MARCHF3: variants seen among roughly 807,000 people sequenced by gnomAD.
The protein encoded by MARCHF3 is E3 ubiquitin-protein ligase MARCHF3.
Under a neutral mutation model 24.2 loss-of-function variants are expected in MARCHF3, and 13 were observed. The observed-to-expected ratio is 0.54, with a 90% CI of 0.35 to 0.85. The LOEUF is 0.85. MARCHF3 is among the 40% of genes least tolerant of loss of function. The pLI is 0.01. For synonymous variants in MARCHF3, 144 were observed against 137.3 expected (o/e 1.05, Z -0.34); for missense variants, 276 against 325.0 (o/e 0.85, Z 1.16).
At chr5:126,917,846 C>CTT (rs36120055) in intron 2 of MARCHF3, 138 bp downstream of exon 2, 426 of 682,646 alleles carry the variant, frequency 6.2e-4, no homozygotes, top group South Asian at 1.6e-3. Context: ...CTCGTGTAGT[C>CTT]TTTTTTTTTT....
In MARCHF3 at chr5:126,870,124, A is replaced by G. The variant is rs1752915310; in HGVS notation, c.*509T>C. 1 of 152,628 alleles carries G rather than the reference A, an allele frequency of 6.6e-6. No homozygotes were observed. The highest frequency in any genetic ancestry group is 2.4e-5 in the African/African-American group (1 of 41,434). The allele number at this position is 152,628 out of a possible 1,614,324, so 9.5% of individuals were successfully genotyped here. A position where few individuals can be genotyped will look rare whatever the true frequency, so the allele number is the denominator to read the frequency against. ...TTGAGTAATGGACGCGAAAGAGATG[A>G]AAAAGACCACTCAGGCTACCAAAGT... On this transcript the variant is annotated 3_prime_UTR_variant, in exon 5 of 5. Coordinates refer to ENST00000308660, the MANE Select transcript of MARCHF3 (RefSeq NM_178450.5).
chr5:126,874,599 A>AG (rs1265589016), intron 4 of MARCHF3, among the ~76,000 whole-genome samples: 1 of 152,046 alleles, frequency 6.6e-6, no homozygotes, highest in African/African-American at 2.4e-5. Context: ...AAAAAAAAAA[A>AG]AAAAAGTCAC....
At chr5:127,024,906 A>G (rs145609881) in intron 1 of MARCHF3, among the ~76,000 whole-genome samples, 1 of 152,244 alleles carries the variant, frequency 6.6e-6, no homozygotes, top group Non-Finnish European at 1.5e-5. Flanking sequence ...CATAAAATAT[A>G]CTCGGCAGCT....
intron 1 of MARCHF3, among the ~76,000 whole-genome samples, chr5:126,943,787 C>T (rs1749912547): frequency 6.6e-6 from 1 of 151,754 alleles, no homozygotes; most frequent in Non-Finnish European, 1.5e-5. Flanking sequence ...ATTATTTGAA[C>T]CCTGGCATCA....
At chr5:126,883,056 A>G (rs192386526) in intron 3 of MARCHF3, among the ~76,000 whole-genome samples, 37 of 152,366 alleles carry the variant, frequency 2.4e-4, no homozygotes, top group Non-Finnish European at 4.7e-4. Flanking sequence ...TGTACTTATC[A>G]GTACAAGAAG....
In MARCHF3 at chr5:126,918,195, C is replaced by T. The variant is rs1340602133; in HGVS notation, c.-24G>A. On this transcript the variant is annotated 5_prime_UTR_variant, in exon 2 of 5. An upstream open reading frame in the 5' UTR loses its in-frame stop. Coordinates refer to ENST00000308660, the MANE Select transcript of MARCHF3 (RefSeq NM_178450.5). Reference sequence around the variant, plus strand: ...ATGGTAACAGACAGCAATTACTCTGCTAATGGCTTCCACATTCATACAGGA... The same window carrying T: ...ATGGTAACAGACAGCAATTACTCTGTTAATGGCTTCCACATTCATACAGGA... The T allele has an allele frequency of 1.3e-6, 2 of 1,599,964 alleles. No homozygotes were observed. The highest frequency in any genetic ancestry group is 2.7e-5 in the African/African-American group (2 of 74,630).
At chr5:126,871,132 C>T (rs1316638793) in intron 4 of MARCHF3, among the ~76,000 whole-genome samples, 1 of 152,192 alleles carries the variant, frequency 6.6e-6, no homozygotes, top group East Asian at 1.9e-4. Flanking sequence ...CCAGCCCTCG[C>T]CCAGCTGTGT....
intron 3 of MARCHF3, among the ~76,000 whole-genome samples, chr5:126,898,550 C>T (rs1754001690): frequency 6.6e-6 from 1 of 152,054 alleles, no homozygotes; most frequent in South Asian, 2.1e-4. Context: ...CATCACCTAC[C>T]AGCTACATAA....
intron 1 of MARCHF3, among the ~76,000 whole-genome samples, chr5:126,971,221 G>A (rs1056061848): frequency 4.6e-5 from 7 of 151,908 alleles, no homozygotes; most frequent in South Asian, 2.1e-4. Flanking sequence ...AGGCCGAGGC[G>A]GGCAGATCAT....
At chr5:126,952,374 T>C (rs1340062338) in intron 1 of MARCHF3, among the ~76,000 whole-genome samples, 1 of 152,188 alleles carries the variant, frequency 6.6e-6, no homozygotes, top group Non-Finnish European at 1.5e-5. Context: ...CTCATAATAA[T>C]GCAAATTCAC....
intron 1 of MARCHF3, among the ~76,000 whole-genome samples, chr5:127,023,732 A>AT (rs1752894865): frequency 8.6e-6 from 1 of 116,920 alleles, no homozygotes; most frequent in African/African-American, 3.0e-5. Flanking sequence ...TTCTGTCTCA[A>AT]AAAATAAATA....
At chr5:126,949,686 T>C (rs1376919615) in intron 1 of MARCHF3, among the ~76,000 whole-genome samples, 1 of 152,136 alleles carries the variant, frequency 6.6e-6, no homozygotes, top group Non-Finnish European at 1.5e-5. Context: ...GTCAAAGGAA[T>C]TGCAGAATTC....
In MARCHF3 at chr5:126,941,862, C is replaced by T. The variant is rs374149954; in HGVS notation, c.-56-23635G>A. On this transcript the variant is annotated intron_variant, in intron 1 of 4. Transcript: ENST00000308660. ...TCAGGTCCTGTAAGGTGTAAGCATACAATGAGGGTATCTCATATCTAAGAG... is the reference window on the plus strand; with the variant it reads ...TCAGGTCCTGTAAGGTGTAAGCATATAATGAGGGTATCTCATATCTAAGAG... Among the ~76,000 whole-genome samples, 4 of 152,288 alleles carry T rather than the reference C, an allele frequency of 2.6e-5. No homozygotes were observed. The East Asian group carries it at 5.8e-4, about 22-fold the overall frequency.
At chr5:126,989,432 C>T (rs1286648611) in intron 1 of MARCHF3, among the ~76,000 whole-genome samples, 6 of 152,040 alleles carry the variant, frequency 3.9e-5, no homozygotes, top group African/African-American at 7.3e-5. Flanking sequence ...TCTACACTAA[C>T]CACTTTGTTA....
At chr5:126,887,030 A>T (rs896732720) in intron 3 of MARCHF3, among the ~76,000 whole-genome samples, 1 of 152,170 alleles carries the variant, frequency 6.6e-6, no homozygotes, top group Non-Finnish European at 1.5e-5. Context: ...GTACCATGTA[A>T]TAGTCTCCTT....
chr5:127,013,693 C>T (rs2126858836), intron 1 of MARCHF3, among the ~76,000 whole-genome samples: 1 of 152,230 alleles, frequency 6.6e-6, no homozygotes, highest in African/African-American at 2.4e-5. Context: ...TTAAAAATTA[C>T]TCTCACATAG....
intron 1 of MARCHF3, among the ~76,000 whole-genome samples, chr5:127,002,063 A>G (rs1752147046): frequency 6.6e-6 from 1 of 152,228 alleles, no homozygotes; most frequent in African/African-American, 2.4e-5. Context: ...AGTAAGACCA[A>G]GGATGAACTG....
chr5:126,929,474 C>G (rs1157502617), intron 1 of MARCHF3, among the ~76,000 whole-genome samples: 2 of 152,194 alleles, frequency 1.3e-5, no homozygotes, highest in African/African-American at 4.8e-5. Context: ...CATTTGGGAG[C>G]TATCCAATTA....
intron 3 of MARCHF3, among the ~76,000 whole-genome samples, chr5:126,879,760 A>G (rs1753286109): frequency 6.6e-6 from 1 of 152,200 alleles, no homozygotes; most frequent in Non-Finnish European, 1.5e-5. Flanking sequence ...TCACTGTTCC[A>G]TGTAGTAAAC....
Sources: allele counts gnomAD v4.1 joint callset (sites outside exome capture counted in the v4.1 genomes callset), GRCh38; gene constraint gnomAD v4.1.1; transcripts MANE v1.5; gene names NCBI Gene and HGNC (gene_info 2026-07-23, HGNC 2026-07-21).